POFUT3: variants seen among roughly 807,000 people sequenced by gnomAD.
The protein encoded by POFUT3 is protein O-fucosyltransferase 3.
the POFUT3 span, among the ~76,000 whole-genome samples, chr8:33,469,117 C>T: frequency 6.6e-6 from 1 of 152,022 alleles, no homozygotes; most frequent in Non-Finnish European, 1.5e-5. Flanking sequence ...ACAAGCCTGG[C>T]CAACATGACA....
chr8:33,318,115 C>G, the POFUT3 span, among the ~76,000 whole-genome samples: 1 of 152,176 alleles, frequency 6.6e-6, no homozygotes, highest in East Asian at 1.9e-4. Flanking sequence ...AGCCTGTTAT[C>G]TATGCATTGG....
the POFUT3 span, among the ~76,000 whole-genome samples, chr8:33,390,675 A>G: frequency 6.6e-6 from 1 of 152,148 alleles, no homozygotes; most frequent in African/African-American, 2.4e-5. Flanking sequence ...TCAAAATGGT[A>G]GACAAGAGGC....
chr8:33,341,171 C>T, the POFUT3 span, among the ~76,000 whole-genome samples: 10 of 152,060 alleles, frequency 6.6e-5, no homozygotes, highest in Admixed American at 1.3e-4. Context: ...CGCGGTGGCT[C>T]ACACCTGTAA....
chr8:33,327,974 T>C, the POFUT3 span, among the ~76,000 whole-genome samples: 1 of 152,192 alleles, frequency 6.6e-6, no homozygotes, highest in Non-Finnish European at 1.5e-5. Flanking sequence ...ACTCCTTCTA[T>C]TATAAGCAGA....
the POFUT3 span, among the ~76,000 whole-genome samples, chr8:33,438,260 C>T: frequency 6.6e-6 from 1 of 151,726 alleles, no homozygotes; most frequent in Non-Finnish European, 1.5e-5. Flanking sequence ...TATATGAAAA[C>T]AGATACCACT....
At chr8:33,407,927 G>C in the POFUT3 span, among the ~76,000 whole-genome samples, 3 of 148,142 alleles carry the variant, frequency 2.0e-5, no homozygotes, top group South Asian at 2.1e-4. Context: ...GGTGGAGGTT[G>C]CAGGGAGCCG....
the POFUT3 span, among the ~76,000 whole-genome samples, chr8:33,367,389 CTTCGT>C: frequency 1.3e-5 from 2 of 152,208 alleles, no homozygotes; most frequent in African/African-American, 4.8e-5. Flanking sequence ...CGGCCCATCC[CTTCGT>C]TTCCCGTAAG....
At chr8:33,407,666 G>A in the POFUT3 span, among the ~76,000 whole-genome samples, 1 of 152,082 alleles carries the variant, frequency 6.6e-6, no homozygotes, top group Non-Finnish European at 1.5e-5. Context: ...TTTCCACAGG[G>A]ACTCTCCCAA....
At chr8:33,319,708 A>G in the POFUT3 span, among the ~76,000 whole-genome samples, 8 of 22,404 alleles carry the variant, frequency 3.6e-4, no homozygotes, top group Admixed American at 1.9e-3. Flanking sequence ...TATTTTATAT[A>G]TATTTATATA....
chr8:33,436,439 TG>T, the POFUT3 span: 1 of 1,444,240 alleles, frequency 6.9e-7, no homozygotes, highest in Non-Finnish European at 9.7e-7. Flanking sequence ...TTGGTACAGG[TG>T]GGACTGATGT....
chr8:33,360,376 G>A, the POFUT3 span, among the ~76,000 whole-genome samples: 3 of 152,040 alleles, frequency 2.0e-5, no homozygotes, highest in Non-Finnish European at 2.9e-5. Flanking sequence ...AACCCAGGAG[G>A]CGGAGCTTGC....
At chr8:33,449,400 G>C in the POFUT3 span, among the ~76,000 whole-genome samples, 2 of 138,166 alleles carry the variant, frequency 1.4e-5, no homozygotes, top group African/African-American at 5.3e-5. Flanking sequence ...AGCGATTCTT[G>C]TGCCTCAGCC....
chr8:33,351,690 C>G, the POFUT3 span, among the ~76,000 whole-genome samples: 1 of 151,910 alleles, frequency 6.6e-6, no homozygotes, highest in Non-Finnish European at 1.5e-5. Flanking sequence ...ACCCAGCCTC[C>G]GATATTTCTT....
the POFUT3 span, among the ~76,000 whole-genome samples, chr8:33,379,993 A>AG: frequency 1.4e-4 from 10 of 71,364 alleles, no homozygotes; most frequent in East Asian, 2.6e-3. Flanking sequence ...TATATATAGT[A>AG]TATATATATA....
At chr8:33,312,214 A>T in the POFUT3 span, among the ~76,000 whole-genome samples, 1 of 151,734 alleles carries the variant, frequency 6.6e-6, no homozygotes, top group African/African-American at 2.4e-5. Context: ...GTTAGCTGAG[A>T]TTGCACCACT....
the POFUT3 span, among the ~76,000 whole-genome samples, chr8:33,365,521 G>A: frequency 2.0e-5 from 3 of 152,102 alleles, no homozygotes; most frequent in Non-Finnish European, 4.4e-5. Context: ...CTGACAAAGG[G>A]CGAATATCCA....
the POFUT3 span, among the ~76,000 whole-genome samples, chr8:33,434,592 C>T: frequency 6.6e-6 from 1 of 152,010 alleles, no homozygotes; most frequent in Non-Finnish European, 1.5e-5. Flanking sequence ...TACCTTTTTT[C>T]CCCTTCCCAT....
At chr8:33,363,682 A>C in the POFUT3 span, among the ~76,000 whole-genome samples, 1 of 152,208 alleles carries the variant, frequency 6.6e-6, no homozygotes, top group African/African-American at 2.4e-5. Flanking sequence ...GAAATGGATA[A>C]ATTCCTGGAC....
At chr8:33,340,016 T>C in the POFUT3 span, among the ~76,000 whole-genome samples, 1 of 152,214 alleles carries the variant, frequency 6.6e-6, no homozygotes, top group African/African-American at 2.4e-5. Flanking sequence ...TGTTTATTAG[T>C]TGAAGCACAT....
Sources: gnomAD v4.1 joint callset for allele counts (sites outside exome capture counted in the v4.1 genomes callset) on GRCh38, gnomAD v4.1.1 for gene constraint, MANE v1.5 for transcripts, NCBI Gene and HGNC (gene_info 2026-07-23, HGNC 2026-07-21) for gene names.